Variants in HHAT observed in about 807,000 individuals in gnomAD.
The protein encoded by HHAT is protein-cysteine N-palmitoyltransferase HHAT.
Under a neutral mutation model 70.8 loss-of-function variants are expected in HHAT, and 47 were observed. The observed-to-expected ratio is 0.66, with a 90% confidence interval of 0.53 to 0.85. HHAT has a LOEUF of 0.85. HHAT is among the 40% of genes least tolerant of loss of function. The probability of loss-of-function intolerance (pLI) is 0.00; values close to 1 mark genes in which losing one functional copy is unlikely to be tolerated. For synonymous variants in HHAT, 228 were observed against 247.6 expected (o/e 0.92, Z 0.74); for missense variants, 609 against 604.8 (o/e 1.01, Z -0.07).
chr1:210,447,294 A>G (rs2148381782), intron 7 of HHAT, among the ~76,000 whole-genome samples: 1 of 152,330 alleles, frequency 6.6e-6, no homozygotes. Context: ...CAACAAATGG[A>G]CATTATCTCT....
chr1:210,595,232 T>C (rs962726712), intron 10 of HHAT, among the ~76,000 whole-genome samples: 4 of 152,182 alleles, frequency 2.6e-5, no homozygotes, highest in African/African-American at 9.6e-5. Flanking sequence ...TTTTTGTCCT[T>C]GTGATGGTTT....
intron 7 of HHAT, among the ~76,000 whole-genome samples, chr1:210,426,506 G>A (rs60399668): frequency 6.6e-6 from 1 of 152,108 alleles, no homozygotes; most frequent in African/African-American, 2.4e-5. Context: ...TTATTTTGAG[G>A]TATGTTCCTT....
intron 10 of HHAT, among the ~76,000 whole-genome samples, chr1:210,612,268 A>G (rs1486177183): frequency 2.0e-5 from 3 of 151,990 alleles, no homozygotes; most frequent in African/African-American, 4.8e-5. Flanking sequence ...ACCACCCTCA[A>G]TCTCCAGAAC....
chr1:210,674,650 G>T lies in HHAT; in HGVS notation c.*271G>T. 2 of 388,466 alleles carry T rather than the reference G, an allele frequency of 5.1e-6. No homozygotes were observed. The highest frequency in any genetic ancestry group is 5.9e-5 in the South Asian group (1 of 16,966). The allele number at this position is 388,466 out of a possible 1,614,324, so 24.1% of individuals were successfully genotyped here. On this transcript the variant is annotated 3_prime_UTR_variant, in exon 12 of 12. Transcript: ENST00000261458. ...GTCGTGTGTCTTACCCAGCTACACAGGGTGACATTTTGGTCTAGAACCTAG... is the reference window on the plus strand; with the variant it reads ...GTCGTGTGTCTTACCCAGCTACACATGGTGACATTTTGGTCTAGAACCTAG...
At chr1:210,396,802 C>T (rs2091814259) in intron 4 of HHAT, among the ~76,000 whole-genome samples, 1 of 152,110 alleles carries the variant, frequency 6.6e-6, no homozygotes, top group South Asian at 2.1e-4. Context: ...GATGAATCTG[C>T]AGGAAATTAC....
At chr1:210,420,650 A>G (rs1340477372) in intron 7 of HHAT, among the ~76,000 whole-genome samples, 1 of 150,512 alleles carries the variant, frequency 6.6e-6, no homozygotes, top group Non-Finnish European at 1.5e-5. Flanking sequence ...AACTTAAAGT[A>G]TAATAATAAT....
intron 9 of HHAT, among the ~76,000 whole-genome samples, chr1:210,529,500 T>C (rs1042942377): frequency 6.6e-6 from 1 of 152,158 alleles, no homozygotes; most frequent in African/African-American, 2.4e-5. Context: ...TTGAACATTC[T>C]TCTGGCTTTT....
intron 11 of HHAT, among the ~76,000 whole-genome samples, chr1:210,655,458 C>G (rs929115715): frequency 6.6e-6 from 1 of 152,176 alleles, no homozygotes; most frequent in African/African-American, 2.4e-5. Context: ...TGAGCTCCTG[C>G]AAAGTGTAGG....
chr1:210,379,979 TC>T (rs1405160554), intron 3 of HHAT, among the ~76,000 whole-genome samples: 1 of 152,122 alleles, frequency 6.6e-6, no homozygotes, highest in Non-Finnish European at 1.5e-5. Flanking sequence ...TTATATTTTC[TC>T]CCTACCTGGG....
intron 9 of HHAT, among the ~76,000 whole-genome samples, chr1:210,519,247 A>G (rs1360101266): frequency 1.3e-5 from 2 of 152,158 alleles, no homozygotes; most frequent in African/African-American, 4.8e-5. Flanking sequence ...CTATCTGTGC[A>G]TCTGTTGTTG....
chr1:210,509,227 A>G (rs2094912974), intron 8 of HHAT, among the ~76,000 whole-genome samples: 1 of 152,252 alleles, frequency 6.6e-6, no homozygotes, highest in Non-Finnish European at 1.5e-5. Flanking sequence ...GAATATTTGC[A>G]ATTATACTAG....
At chr1:210,370,075 T>TAC (rs1273957936) in intron 3 of HHAT, among the ~76,000 whole-genome samples, 2 of 151,492 alleles carry the variant, frequency 1.3e-5, no homozygotes, top group East Asian at 3.9e-4. Context: ...CATACACATA[T>TAC]ACACACACAC....
chr1:210,633,608 G>C (rs1671290398), intron 11 of HHAT, among the ~76,000 whole-genome samples: 2 of 152,098 alleles, frequency 1.3e-5, no homozygotes, highest in South Asian at 4.2e-4. Context: ...GCCCCCGCCT[G>C]ACTTCATATT....
intron 10 of HHAT, among the ~76,000 whole-genome samples, chr1:210,612,768 A>G (rs918943329): frequency 1.3e-5 from 2 of 152,190 alleles, no homozygotes; most frequent in African/African-American, 4.8e-5. Context: ...CACCAGCAAT[A>G]CGTAGGGCTT....
At chr1:210,497,970 T>C (rs1050829888) in intron 8 of HHAT, among the ~76,000 whole-genome samples, 2 of 152,132 alleles carry the variant, frequency 1.3e-5, no homozygotes, top group African/African-American at 2.4e-5. Context: ...TTGGCCAGGA[T>C]GGTCTCGATC....
chr1:210,349,930 C>T (rs777755885), intron 2 of HHAT, among the ~76,000 whole-genome samples: 47 of 152,302 alleles, frequency 3.1e-4, no homozygotes, highest in Non-Finnish European at 5.7e-4. Context: ...GGATTACAGG[C>T]GTGAGCCACT....
At chr1:210,461,293 C>T (rs373566918) in intron 7 of HHAT, among the ~76,000 whole-genome samples, 36 of 152,206 alleles carry the variant, frequency 2.4e-4, no homozygotes, top group Middle Eastern at 3.4e-3. Context: ...AAGAATGAGC[C>T]ATGCATTTTT....
intron 11 of HHAT, among the ~76,000 whole-genome samples, chr1:210,654,722 C>T (rs1676015823): frequency 6.6e-6 from 1 of 152,188 alleles, no homozygotes; most frequent in South Asian, 2.1e-4. Flanking sequence ...AGAACAGAGC[C>T]ATATCTTCCC....
At chr1:210,671,756 T>C (rs1404409775) in intron 11 of HHAT, among the ~76,000 whole-genome samples, 1 of 152,206 alleles carries the variant, frequency 6.6e-6, no homozygotes, top group African/African-American at 2.4e-5. Flanking sequence ...ATGTCTATTG[T>C]TTTAATCTAC....
Sources: allele counts gnomAD v4.1 joint callset (sites outside exome capture counted in the v4.1 genomes callset), GRCh38; gene constraint gnomAD v4.1.1; transcripts MANE v1.5; gene names NCBI Gene and HGNC (gene_info 2026-07-23, HGNC 2026-07-21).